The following TRAPPC8 variants were observed in gnomAD, a reference collection of about 807,000 sequenced individuals.
TRAPPC8 encodes general sporulation gene 1 homolog.
TRAPPC8 carries 54 observed loss-of-function variants against 174.3 expected under a neutral mutation model. The ratio of observed to expected loss-of-function variants is 0.31; its 90% CI spans 0.25 to 0.39. TRAPPC8 has a LOEUF of 0.39. TRAPPC8 is among the 10% of genes least tolerant of loss of function. The pLI, the probability that TRAPPC8 is intolerant of heterozygous loss-of-function variation, is 1.00. For missense variants in TRAPPC8, 1,531 were observed against 1,699.1 expected (o/e 0.90, Z 1.74); for synonymous variants, 630 against 579.9 (o/e 1.09, Z -1.24).
At chr18:31,902,030 A>C (rs1283572624) in intron 9 of TRAPPC8, among the ~76,000 whole-genome samples, 1 of 152,196 alleles carries the variant, frequency 6.6e-6, no homozygotes, top group East Asian at 1.9e-4. Flanking sequence ...AATATGCTGA[A>C]CTGGCCGGGT....
In TRAPPC8 at chr18:31,848,554, A is replaced by T. The variant is rs2033534085; in HGVS notation, c.3735+1012T>A. On this transcript the variant is annotated intron_variant, in intron 25 of 28. Transcript: ENST00000283351. ...CCTTCTATAATCAACAAAAGTATCA[A>T]TTTACTTAGTAGATTTCATTTGAAA... Among the ~76,000 whole-genome samples, 3 of 152,230 alleles carry T rather than the reference A, an allele frequency of 2.0e-5. No homozygotes were observed. In the South Asian group the frequency reaches 6.2e-4, roughly 31 times the overall value.
chr18:31,872,446 T>C (rs1465524820), intron 14 of TRAPPC8, among the ~76,000 whole-genome samples: 1 of 152,176 alleles, frequency 6.6e-6, no homozygotes, highest in South Asian at 2.1e-4. Flanking sequence ...AATACGATTT[T>C]TTTTTTTTGA....
At chr18:31,908,709 TTTAC>T (rs1259980497) in intron 7 of TRAPPC8, 41 bp downstream of exon 7, 22 of 1,458,658 alleles carry the variant, frequency 1.5e-5, no homozygotes, top group East Asian at 2.5e-5. Context: ...AAATTTACTA[TTTAC>T]TTAAATTTTT....
chr18:31,907,439 A>G, intron 9 of TRAPPC8, 21 bp downstream of exon 9: 2 of 1,550,818 alleles, frequency 1.3e-6, no homozygotes, highest in Non-Finnish European at 1.7e-6. Context: ...TTAAGGAATT[A>G]TAATACCATA....
In TRAPPC8 at chr18:31,928,272, G is replaced by A. The variant is rs147084900; in HGVS notation, c.352+3057C>T. Reference sequence around the variant, plus strand: ...CCAGCACTTTGGGAGGCCAAGGTACGAGGATCGCTTGAGGCCAGAAGTTCA... The same window carrying A: ...CCAGCACTTTGGGAGGCCAAGGTACAAGGATCGCTTGAGGCCAGAAGTTCA... On this transcript the variant is annotated intron_variant, in intron 2 of 28. Coordinates refer to ENST00000283351, the MANE Select transcript of TRAPPC8 (RefSeq NM_014939.5). 7.2e-3 allele frequency among the ~76,000 whole-genome samples: 1,093 copies of A among 152,006 alleles called. 15 individuals are homozygous for A. Among genetic ancestry groups the A allele is most frequent in the African/African-American group, 0.025 (1,037 of 41,522 alleles).
At position 31,829,896 on chromosome 18, in the gene TRAPPC8, T is replaced by A. The variant is rs2031994563; in HGVS notation, c.*859A>T. The A allele has an allele frequency of 1.3e-5, 2 of 152,756 alleles. No homozygotes were observed. Among genetic ancestry groups the A allele is most frequent in the African/African-American group, 2.4e-5 (1 of 41,570 alleles). The allele number at this position is 152,756 out of a possible 1,614,324, so 9.5% of individuals were successfully genotyped here. A position where few individuals can be genotyped will look rare whatever the true frequency, so the allele number is the denominator to read the frequency against. On this transcript the variant is annotated 3_prime_UTR_variant, in exon 29 of 29. Coordinates refer to ENST00000283351, the MANE Select transcript of TRAPPC8 (RefSeq NM_014939.5). ...AATGCCCATTCTCTGAATAAAAAAA[T>A]ATTTTGAAACCAGACTTTCTAATCA...
intron 2 of TRAPPC8, among the ~76,000 whole-genome samples, chr18:31,920,470 T>G (rs927919055): frequency 6.6e-6 from 1 of 152,184 alleles, no homozygotes; most frequent in Admixed American, 6.6e-5. Context: ...CAATTTCATG[T>G]TCATGCAATA....
At chr18:31,931,132 A>G (rs1050759000) in intron 2 of TRAPPC8, among the ~76,000 whole-genome samples, 197 bp downstream of exon 2, 1 of 152,336 alleles carries the variant, frequency 6.6e-6, no homozygotes, top group Non-Finnish European at 1.5e-5. Flanking sequence ...TTTATTATGC[A>G]TATGTTCTAG....
At chr18:31,924,847 G>T (rs2037546978) in intron 2 of TRAPPC8, among the ~76,000 whole-genome samples, 1 of 151,172 alleles carries the variant, frequency 6.6e-6, no homozygotes, top group Admixed American at 6.6e-5. Context: ...ATGAGGAGAT[G>T]TTGGCAGGGA....
chr18:31,904,274 T>C (rs879290232), intron 9 of TRAPPC8, among the ~76,000 whole-genome samples: 28 of 150,906 alleles, frequency 1.9e-4, no homozygotes, highest in Non-Finnish European at 3.5e-4. Flanking sequence ...TAAGTTTTAA[T>C]GGAAATGGCT....
intron 24 of TRAPPC8, 91 bp from the exon 25 acceptor site, chr18:31,849,830 C>A: frequency 7.8e-7 from 1 of 1,288,354 alleles, no homozygotes. Flanking sequence ...TAAATATATC[C>A]TGCCAAAATT....
At position 31,834,113 on chromosome 18, in the gene TRAPPC8, G is replaced by T. The variant is rs567528210; in HGVS notation, c.3984-1940C>A. On this transcript the variant is annotated intron_variant, in intron 27 of 28. Transcript: ENST00000283351. ...GGTTGTTGTTGTTGTTGTTGTTGTT[G>T]TTTTTTATTCTTTGAGATGGAGTTT... Among the ~76,000 whole-genome samples the T allele has an allele frequency of 3.5e-5, 5 of 142,804 alleles. No homozygotes were observed. The South Asian group carries it at 1.3e-3, about 37-fold the overall frequency. The allele number at this position is 142,804 out of a possible 152,430, so 93.7% of individuals were successfully genotyped here.
At chr18:31,904,604 G>A (rs2036581738) in intron 9 of TRAPPC8, among the ~76,000 whole-genome samples, 1 of 152,182 alleles carries the variant, frequency 6.6e-6, no homozygotes, top group African/African-American at 2.4e-5. Context: ...TTCCATGAAT[G>A]ACAATATGAA....
chr18:31,915,371 G>C (rs1290706985), intron 4 of TRAPPC8, among the ~76,000 whole-genome samples: 1 of 150,298 alleles, frequency 6.7e-6, no homozygotes, highest in Non-Finnish European at 1.5e-5. Flanking sequence ...TGAGGCAGGA[G>C]AATCGCTGGA....
At chr18:31,840,164 GCC>G (rs1568032706) in intron 26 of TRAPPC8, among the ~76,000 whole-genome samples, 2 of 152,178 alleles carry the variant, frequency 1.3e-5, no homozygotes, top group Non-Finnish European at 2.9e-5. Context: ...TTGGAGGTTA[GCC>G]TGGCCAACAT....
intron 18 of TRAPPC8, 38 bp downstream of exon 18, chr18:31,866,811 A>G (rs576169608): frequency 1.3e-6 from 2 of 1,596,574 alleles, no homozygotes; most frequent in Admixed American, 3.5e-5. Flanking sequence ...GTGATTTAAG[A>G]AAGTTTTCTA....
At chr18:31,891,512 T>A (rs2035953815) in intron 11 of TRAPPC8, among the ~76,000 whole-genome samples, 1 of 152,196 alleles carries the variant, frequency 6.6e-6, no homozygotes, top group African/African-American at 2.4e-5. Flanking sequence ...TTCAACTGAA[T>A]CTTACAGTAC....
At chr18:31,841,840 A>T (rs2033117768) in intron 26 of TRAPPC8, among the ~76,000 whole-genome samples, 1 of 152,218 alleles carries the variant, frequency 6.6e-6, no homozygotes, top group Admixed American at 6.5e-5. Context: ...TTTATCCCCC[A>T]GTATCAGATA....
intron 5 of TRAPPC8, among the ~76,000 whole-genome samples, chr18:31,911,855 G>C (rs1468332047): frequency 7.2e-6 from 1 of 138,194 alleles, no homozygotes; most frequent in East Asian, 2.1e-4. Context: ...CTGGGCGACA[G>C]AGCGAGATCC....
Sources: gnomAD v4.1 joint callset for allele counts (sites outside exome capture counted in the v4.1 genomes callset) on GRCh38, gnomAD v4.1.1 for gene constraint, MANE v1.5 for transcripts, NCBI Gene and HGNC (gene_info 2026-07-23, HGNC 2026-07-21) for gene names.